NHS: variants seen among roughly 807,000 people sequenced by gnomAD.
The protein encoded by NHS is actin remodeling regulator NHS.
A neutral mutation model predicts 72.5 loss-of-function variants in NHS; 5 were observed. The observed-to-expected ratio is 0.07, with a 90% confidence interval of 0.04 to 0.14. NHS has a LOEUF of 0.14. Among genes scored for constraint, NHS ranks in the 10% least tolerant of loss-of-function variants. The probability of loss-of-function intolerance (pLI) is 1.00; values close to 1 mark genes in which losing one functional copy is unlikely to be tolerated. For missense variants in NHS, 1,072 were observed against 1,355.7 expected (o/e 0.79, Z 3.29); for synonymous variants, 464 against 547.7 (o/e 0.85, Z 2.13).
At chrX:17,571,174 C>T (rs755758343) in intron 1 of NHS, among the ~76,000 whole-genome samples, 16 of 112,185 alleles carry the variant, frequency 1.4e-4, no homozygotes, top group Non-Finnish European at 2.8e-4. Flanking sequence ...CAGGATGATG[C>T]TGGCCTCATA....
intron 1 of NHS, among the ~76,000 whole-genome samples, chrX:17,496,875 T>G (rs2065015253): frequency 8.9e-6 from 1 of 112,116 alleles, no homozygotes; most frequent in Non-Finnish European, 1.9e-5. Context: ...CAGGACTTTT[T>G]ATTGCTGTCG....
chrX:17,606,076 G>T (rs954257977), intron 1 of NHS, among the ~76,000 whole-genome samples: 1 of 112,274 alleles, frequency 8.9e-6, no homozygotes, highest in Non-Finnish European at 1.9e-5. Flanking sequence ...AACTTTAGTT[G>T]TTTACAAGAC....
chrX:17,380,866 C>T (rs896470342), intron 1 of NHS, among the ~76,000 whole-genome samples: 5 of 111,369 alleles, frequency 4.5e-5, no homozygotes, highest in African/African-American at 1.3e-4. Context: ...ATGAGAGCAC[C>T]ATTTCATCCA....
chrX:17,615,259 C>T (rs866689752), intron 1 of NHS, among the ~76,000 whole-genome samples: 1 of 94,925 alleles, frequency 1.1e-5, no homozygotes, highest in African/African-American at 4.4e-5. Flanking sequence ...CACATATATA[C>T]ACATATATAT....
chrX:17,446,593 T>C (rs747181083), intron 1 of NHS, among the ~76,000 whole-genome samples: 2 of 107,591 alleles, frequency 1.9e-5, no homozygotes, highest in Admixed American at 2.0e-4. Flanking sequence ...CTATCTCCTT[T>C]CGCTAACTCT....
chrX:17,684,145 A>C (rs995375016), intron 1 of NHS, among the ~76,000 whole-genome samples: 4 of 111,466 alleles, frequency 3.6e-5, no homozygotes, highest in African/African-American at 1.3e-4. Flanking sequence ...TTCTGCCATG[A>C]TTGTGAGGCC....
chrX:17,463,483 A>G (rs1192431575), intron 1 of NHS, among the ~76,000 whole-genome samples: 1 of 111,305 alleles, frequency 9.0e-6, no homozygotes, highest in Non-Finnish European at 1.9e-5. Flanking sequence ...GATGATCATG[A>G]TGATGATATT....
chrX:17,500,792 T>A (rs1389949320), intron 1 of NHS, among the ~76,000 whole-genome samples: 1 of 111,677 alleles, frequency 9.0e-6, no homozygotes, highest in Non-Finnish European at 1.9e-5. Context: ...CAGACTGGGG[T>A]TTGAATCTTG....
intron 1 of NHS, among the ~76,000 whole-genome samples, chrX:17,431,573 G>C (rs2064694967): frequency 9.0e-6 from 1 of 111,579 alleles, no homozygotes; most frequent in South Asian, 3.8e-4. Flanking sequence ...AAGATGCTTG[G>C]TGGACTCCAA....
intron 1 of NHS, among the ~76,000 whole-genome samples, chrX:17,673,130 A>G (rs1184706514): frequency 9.4e-6 from 1 of 106,016 alleles, no homozygotes; most frequent in Non-Finnish European, 1.9e-5. Context: ...TTGAGCACCT[A>G]TTACACACAG....
intron 1 of NHS, among the ~76,000 whole-genome samples, chrX:17,617,359 T>C (rs934144871): frequency 1.1e-4 from 12 of 112,609 alleles, no homozygotes; most frequent in African/African-American, 3.9e-4. Context: ...CTCATGGCTT[T>C]GATTAGATTA....
chrX:17,483,579 T>G (rs956497736), intron 1 of NHS, among the ~76,000 whole-genome samples: 1 of 112,116 alleles, frequency 8.9e-6, no homozygotes, highest in African/African-American at 3.2e-5. Context: ...ATTGTGCTAT[T>G]CTCTGAACGT....
At chrX:17,417,152 A>AT (rs773235793) in intron 1 of NHS, among the ~76,000 whole-genome samples, 16 of 109,311 alleles carry the variant, frequency 1.5e-4, no homozygotes, top group Admixed American at 3.0e-4. Context: ...AAAAACTAAG[A>AT]TTTTTTTTTA....
intron 1 of NHS, among the ~76,000 whole-genome samples, chrX:17,475,790 G>C (rs1403289350): frequency 8.9e-6 from 1 of 112,107 alleles, no homozygotes. Context: ...AGTGCAAACT[G>C]GGTTAAAGCT....
chrX:17,630,575 C>G (rs6527814), intron 1 of NHS, among the ~76,000 whole-genome samples: 29,612 of 109,979 alleles, frequency 0.27, 7,624 homozygotes, highest in African/African-American at 0.8. Flanking sequence ...CTCCAGGTGA[C>G]ACCAGCTCTG....
At chrX:17,525,796 G>A (rs2065170991) in intron 1 of NHS, among the ~76,000 whole-genome samples, 1 of 110,619 alleles carries the variant, frequency 9.0e-6, no homozygotes, top group Admixed American at 9.6e-5. Flanking sequence ...AGGACTAATG[G>A]GGGATGTTTG....
Position 17,724,365 on chromosome X carries a change from G to A in NHS, c.1175G>A (p.Arg392Gln), listed in dbSNP as rs372969054. The A allele has an allele frequency of 1.6e-4, 195 of 1,210,162 alleles. No individual in the cohort carries two copies. The highest frequency in any genetic ancestry group is 2.1e-4 in the Non-Finnish European group (186 of 895,235). ...GTTCATTCACAATCGGTACTACAGC[G>A]GAGACGAAAATTGAGGAGGAGGAAA... ...SLVHSQSVLQRRRKLRRRKTI... is the reference protein window; with the variant it reads ...SLVHSQSVLQQRRKLRRRKTI... The change falls in exon 6 of 9, where the codon CGG (arginine) becomes CAG (glutamine). Residue 392 changes from arginine to glutamine, a missense_variant. By Grantham distance (43) the Arg-to-Gln change is conservative. Transcript: ENST00000676302.
chrX:17,595,554 G>T (rs781300749), intron 1 of NHS, among the ~76,000 whole-genome samples: 2 of 111,743 alleles, frequency 1.8e-5, no homozygotes, highest in Admixed American at 1.9e-4. Flanking sequence ...TTAACCTGGG[G>T]TCAAGGTTTC....
intron 3 of NHS, among the ~76,000 whole-genome samples, chrX:17,708,625 G>A (rs1569314207): frequency 9.0e-6 from 1 of 111,514 alleles, no homozygotes; most frequent in Non-Finnish European, 1.9e-5. Flanking sequence ...GGGGTGGGGT[G>A]GCAGGATTAA....
Sources: gnomAD v4.1 joint callset for allele counts (sites outside exome capture counted in the v4.1 genomes callset) on GRCh38, gnomAD v4.1.1 for gene constraint, MANE v1.5 for transcripts, NCBI Gene and HGNC (gene_info 2026-07-23, HGNC 2026-07-21) for gene names.